The following TENM4 variants were observed in gnomAD, a reference collection of about 807,000 sequenced individuals.
The protein encoded by TENM4 is teneurin-4.
TENM4 carries 82 observed loss-of-function variants against 243.3 expected under a neutral mutation model. The observed-to-expected ratio is 0.34, with a 90% CI of 0.28 to 0.40. The LOEUF (loss-of-function observed/expected upper bound fraction) is 0.40. Among genes scored for constraint, TENM4 ranks in the 10% least tolerant of loss-of-function variants. The probability of loss-of-function intolerance (pLI) is 1.00; values close to 1 mark genes in which losing one functional copy is unlikely to be tolerated. For synonymous variants in TENM4, 1,412 were observed against 1,456.3 expected (o/e 0.97, Z 0.69); for missense variants, 3,138 against 3,673.3 (o/e 0.85, Z 3.77).
intron 4 of TENM4, among the ~76,000 whole-genome samples, chr11:79,126,021 G>A (rs1861869219): frequency 6.6e-6 from 1 of 152,170 alleles, no homozygotes; most frequent in Non-Finnish European, 1.5e-5. Flanking sequence ...GTTTAATCAG[G>A]CTGAATTTAT....
chr11:79,215,381 C>A (rs183972922), intron 3 of TENM4, among the ~76,000 whole-genome samples: 16 of 152,326 alleles, frequency 1.1e-4, no homozygotes, highest in African/African-American at 3.8e-4. Context: ...TGCCTCTGAT[C>A]TCACTCCAGT....
chr11:79,429,745 G>T (rs1859128098), intron 1 of TENM4, among the ~76,000 whole-genome samples: 1 of 152,182 alleles, frequency 6.6e-6, no homozygotes, highest in African/African-American at 2.4e-5. Context: ...AGAGAAAAAT[G>T]AAGCAGTGAC....
chr11:78,720,454 G>A (rs1234362314), intron 24 of TENM4, 64 bp from the exon 25 acceptor site: 1 of 1,572,450 alleles, frequency 6.4e-7, no homozygotes, highest in Non-Finnish European at 8.7e-7. Flanking sequence ...AGGGTTAGAA[G>A]CATTATTAGC....
chr11:79,130,354 G>A (rs909461716), intron 4 of TENM4, among the ~76,000 whole-genome samples: 3 of 152,036 alleles, frequency 2.0e-5, no homozygotes, highest in Admixed American at 6.6e-5. Context: ...AAAATCACAC[G>A]AGTTCACTAG....
At chr11:78,828,683 A>G (rs1231680778) in intron 12 of TENM4, among the ~76,000 whole-genome samples, 2 of 152,262 alleles carry the variant, frequency 1.3e-5, no homozygotes, top group Non-Finnish European at 2.9e-5. Flanking sequence ...TATATGTTCA[A>G]GTCAAATATT....
At chr11:79,375,436 T>C (rs986909800) in intron 1 of TENM4, among the ~76,000 whole-genome samples, 18 of 152,236 alleles carry the variant, frequency 1.2e-4, no homozygotes, top group African/African-American at 3.4e-4. Context: ...TGTGCATAGC[T>C]CTTTATCCTT....
chr11:79,064,496 C>A, intron 6 of TENM4: 1 of 536,292 alleles, frequency 1.9e-6, no homozygotes, highest in South Asian at 2.1e-5. Context: ...GAGCAATGAC[C>A]CAGAGACTTA....
At chr11:79,156,295 A>G (rs1286487906) in intron 3 of TENM4, among the ~76,000 whole-genome samples, 1 of 152,232 alleles carries the variant, frequency 6.6e-6, no homozygotes, top group Non-Finnish European at 1.5e-5. Context: ...CCAATCAATA[A>G]GTCCTGCATG....
intron 1 of TENM4, among the ~76,000 whole-genome samples, chr11:79,364,709 C>A (rs562413995): frequency 6.6e-6 from 1 of 152,308 alleles, no homozygotes; most frequent in East Asian, 1.9e-4. Context: ...AGGCTTCTAT[C>A]ACACTGAGGC....
At chr11:78,774,794 G>T (rs56908822) in intron 17 of TENM4, among the ~76,000 whole-genome samples, 15,546 of 152,118 alleles carry the variant, frequency 0.1, 2,412 homozygotes, top group African/African-American at 0.34. Flanking sequence ...TCAAAACAAC[G>T]TCAAGTTAGT....
intron 25 of TENM4, among the ~76,000 whole-genome samples, chr11:78,719,646 C>T (rs924442729): frequency 2.0e-5 from 3 of 152,196 alleles, no homozygotes; most frequent in Non-Finnish European, 4.4e-5. Flanking sequence ...GGTTACTTTC[C>T]AAGTCACCAC....
intron 18 of TENM4, among the ~76,000 whole-genome samples, chr11:78,759,693 A>T (rs1243776279): frequency 1.3e-5 from 2 of 152,190 alleles, no homozygotes; most frequent in African/African-American, 4.8e-5. Context: ...ATGATGATGA[A>T]TTGCCACATT....
chr11:79,230,845 G>A (rs904494635), intron 2 of TENM4, among the ~76,000 whole-genome samples: 2 of 152,166 alleles, frequency 1.3e-5, no homozygotes, highest in African/African-American at 4.8e-5. Context: ...TCAAAATCAA[G>A]TGTGTAATAC....
chr11:79,241,629 A>G lies in TENM4; in HGVS notation c.-264-25720T>C, dbSNP rs149191263. ...AGGTAAAGCACTTTAGAGACTTAGC[A>G]TGGTGCCCACTCATTGTAGCCTGTC... On this transcript the variant is annotated intron_variant, in intron 2 of 33. Transcript: ENST00000278550. Among the ~76,000 whole-genome samples, 68 of 152,328 alleles carry G rather than the reference A, an allele frequency of 4.5e-4. No homozygotes were observed. The East Asian group carries it at 9.1e-3, about 20-fold the overall frequency.
intron 4 of TENM4, among the ~76,000 whole-genome samples, chr11:79,073,353 T>C (rs1476033673): frequency 6.6e-6 from 1 of 152,186 alleles, no homozygotes; most frequent in Non-Finnish European, 1.5e-5. Flanking sequence ...TGCATGATGT[T>C]TCATCACTGC....
At chr11:78,802,169 C>T (rs1252595323) in intron 15 of TENM4, among the ~76,000 whole-genome samples, 1 of 152,188 alleles carries the variant, frequency 6.6e-6, no homozygotes, top group Non-Finnish European at 1.5e-5. Context: ...AGCTTCACTG[C>T]AAAAACTCAA....
chr11:79,241,450 T>C (rs563759), intron 2 of TENM4, among the ~76,000 whole-genome samples: 97,000 of 151,800 alleles, frequency 0.64, 32,555 homozygotes, highest in East Asian at 0.89. Context: ...TTCGTCACTC[T>C]GAAGTTGGAG....
chr11:79,056,426 G>A (rs1376505610), intron 6 of TENM4, among the ~76,000 whole-genome samples: 2 of 151,950 alleles, frequency 1.3e-5, no homozygotes, highest in African/African-American at 4.8e-5. Context: ...GTTATGGGGT[G>A]CATTTAATCT....
intron 2 of TENM4, among the ~76,000 whole-genome samples, chr11:79,286,375 G>T (rs1314395089): frequency 1.3e-5 from 2 of 151,962 alleles, no homozygotes; most frequent in African/African-American, 4.8e-5. Flanking sequence ...AAATAGGATG[G>T]GCACGGTGGC....
Sources: allele counts gnomAD v4.1 joint callset (sites outside exome capture counted in the v4.1 genomes callset), GRCh38; gene constraint gnomAD v4.1.1; transcripts MANE v1.5; gene names NCBI Gene and HGNC (gene_info 2026-07-23, HGNC 2026-07-21).